Variants in USP12 observed in about 807,000 individuals in gnomAD.
The protein encoded by USP12 is ubiquitin specific peptidase 12.
USP12 carries 19 observed loss-of-function variants against 45.5 expected under a neutral mutation model. The observed-to-expected ratio is 0.42, with a 90% CI of 0.29 to 0.61. The LOEUF (loss-of-function observed/expected upper bound fraction) is 0.61. Among genes scored for constraint, USP12 ranks in the 20% least tolerant of loss-of-function variants. USP12 has a pLI of 0.22. For missense variants in USP12, 242 were observed against 447.7 expected (o/e 0.54, Z 4.15); for synonymous variants, 149 against 148.8 (o/e 1.00, Z -0.01).
At chr13:27,113,113 T>C (rs1875537100) in intron 2 of USP12, among the ~76,000 whole-genome samples, 1 of 151,954 alleles carries the variant, frequency 6.6e-6, no homozygotes, top group Admixed American at 6.6e-5. Flanking sequence ...TGTGCACCTG[T>C]AGTCCCAGCT....
At chr13:27,086,770 C>T (rs1290696381) in intron 6 of USP12, among the ~76,000 whole-genome samples, 1 of 152,134 alleles carries the variant, frequency 6.6e-6, no homozygotes, top group Non-Finnish European at 1.5e-5. Flanking sequence ...TCTTACTTAT[C>T]CAACGGTCTT....
At chr13:27,111,322 G>C (rs1875434789) in intron 2 of USP12, among the ~76,000 whole-genome samples, 2 of 152,068 alleles carry the variant, frequency 1.3e-5, no homozygotes, top group African/African-American at 2.4e-5. Flanking sequence ...TTCAAGAGTA[G>C]AGCCTTCATG....
chr13:27,071,170 G>A, intron 7 of USP12, 21 bp from the exon 8 acceptor site: 1 of 1,566,546 alleles, frequency 6.4e-7, no homozygotes, highest in Non-Finnish European at 8.6e-7. Flanking sequence ...CGAAGAAGAA[G>A]TTAATTCAAT....
At chr13:27,087,250 GATGTGTGTGTGTGT>G (rs770860424) in intron 6 of USP12, among the ~76,000 whole-genome samples, 4 of 25,434 alleles carry the variant, frequency 1.6e-4, no homozygotes, top group South Asian at 3.1e-3. Context: ...AGTGGGGAGG[GATGTGTGTGTGTGT>G]GTGTGTGTGT....
chr13:27,101,341 AT>A (rs1343682991), intron 3 of USP12, among the ~76,000 whole-genome samples: 5 of 152,364 alleles, frequency 3.3e-5, no homozygotes, highest in African/African-American at 1.2e-4. Context: ...ATTATATTTA[AT>A]TTTTAAAACC....
intron 2 of USP12, among the ~76,000 whole-genome samples, chr13:27,114,768 T>A (rs1226207074): frequency 2.8e-4 from 36 of 127,836 alleles, no homozygotes; most frequent in African/African-American, 1.1e-3. Context: ...CTCTCCATTT[T>A]TAAAAAAAAA....
chr13:27,141,140 C>T (rs771227045), intron 1 of USP12, among the ~76,000 whole-genome samples: 1 of 151,606 alleles, frequency 6.6e-6, no homozygotes, highest in Non-Finnish European at 1.5e-5. Flanking sequence ...CCCAGCCTCC[C>T]GAGTAGCTGG....
At chr13:27,094,183 T>TAAAA (rs71083629) in intron 4 of USP12, among the ~76,000 whole-genome samples, 1 of 142,016 alleles carries the variant, frequency 7.0e-6, no homozygotes, top group African/African-American at 2.6e-5. Flanking sequence ...CAAGGGGATT[T>TAAAA]AAAAAAAAAA....
intron 2 of USP12, among the ~76,000 whole-genome samples, chr13:27,111,683 A>G (rs1240713480): frequency 6.6e-6 from 1 of 152,226 alleles, no homozygotes; most frequent in African/African-American, 2.4e-5. Flanking sequence ...CACATTTATA[A>G]ATTATACATA....
intron 1 of USP12, chr13:27,117,904 C>T: frequency 2.0e-6 from 1 of 502,792 alleles, no homozygotes; most frequent in South Asian, 1.4e-5. Flanking sequence ...GACACACAAG[C>T]AGATACAACT....
At chr13:27,155,282 C>T (rs1421692871) in intron 1 of USP12, among the ~76,000 whole-genome samples, 1 of 151,760 alleles carries the variant, frequency 6.6e-6, no homozygotes, top group African/African-American at 2.4e-5. Flanking sequence ...AGGGTTTCAC[C>T]ATGTTGGCCA....
At chr13:27,161,052 T>C (rs891969676) in intron 1 of USP12, among the ~76,000 whole-genome samples, 14 of 152,234 alleles carry the variant, frequency 9.2e-5, no homozygotes, top group African/African-American at 3.4e-4. Context: ...TCCCGTTTTG[T>C]GGAAAAGAGA....
rs548627176 is a variant in USP12 at position 27,155,948 on chromosome 13, T to C, written c.48+15644A>G. Among the ~76,000 whole-genome samples, 16 of 152,330 alleles carry C rather than the reference T, an allele frequency of 1.1e-4. No homozygotes were observed. In the East Asian group the frequency reaches 3.1e-3, roughly 29 times the overall value. ...AAATATAACATAGATGTACATTCTC[T>C]TTCAATGTTTTTAAAAATATTTCTT... is the stretch of plus-strand genomic sequence containing the variant. On this transcript the variant is annotated intron_variant, in intron 1 of 8. Coordinates refer to ENST00000282344, the MANE Select transcript of USP12 (RefSeq NM_182488.4).
intron 1 of USP12, among the ~76,000 whole-genome samples, chr13:27,145,219 A>G (rs559722115): frequency 6.6e-6 from 1 of 152,352 alleles, no homozygotes; most frequent in East Asian, 1.9e-4. Context: ...TCCTTCTTGA[A>G]GAATGACAGG....
chr13:27,125,188 T>G lies in USP12; in HGVS notation c.49-8592A>C, dbSNP rs368896972. On this transcript the variant is annotated intron_variant, in intron 1 of 8. Coordinates refer to ENST00000282344, the MANE Select transcript of USP12 (RefSeq NM_182488.4). ...AATATGTAAGTATGTATGTATGTAT[T>G]GGGTTTCATATTATTTATCACTCTA... is the stretch of plus-strand genomic sequence containing the variant. Among the ~76,000 whole-genome samples, 14 of 152,336 alleles carry G rather than the reference T, an allele frequency of 9.2e-5. No individual in the cohort carries two copies. The East Asian group carries it at 2.5e-3, about 27-fold the overall frequency.
At chr13:27,088,072 A>C (rs1292689392) in intron 6 of USP12, among the ~76,000 whole-genome samples, 2 of 152,230 alleles carry the variant, frequency 1.3e-5, no homozygotes, top group African/African-American at 4.8e-5. Flanking sequence ...AACAGCCAAG[A>C]ACAGTAATGG....
At chr13:27,130,298 G>A (rs1015689070) in intron 1 of USP12, among the ~76,000 whole-genome samples, 2 of 152,108 alleles carry the variant, frequency 1.3e-5, no homozygotes, top group African/African-American at 4.8e-5. Flanking sequence ...TATTGAGGGG[G>A]ATGGGGATCC....
chr13:27,152,738 A>C (rs112544541), intron 1 of USP12, among the ~76,000 whole-genome samples: 9 of 151,598 alleles, frequency 5.9e-5, no homozygotes, highest in Non-Finnish European at 5.9e-5. Context: ...GTCAGGAGAT[A>C]GAGACCATCC....
At chr13:27,135,405 A>G (rs1876756858) in intron 1 of USP12, among the ~76,000 whole-genome samples, 1 of 152,196 alleles carries the variant, frequency 6.6e-6, no homozygotes, top group East Asian at 1.9e-4. Flanking sequence ...TTATATACTC[A>G]AACGTTTAAG....
Sources: allele counts gnomAD v4.1 joint callset (sites outside exome capture counted in the v4.1 genomes callset), GRCh38; gene constraint gnomAD v4.1.1; transcripts MANE v1.5; gene names NCBI Gene and HGNC (gene_info 2026-07-23, HGNC 2026-07-21).